Variants in DCT observed in about 807,000 individuals in gnomAD.
DCT encodes L-dopachrome tautomerase.
A neutral mutation model predicts 53.0 loss-of-function variants in DCT; 47 were observed. That is an observed-to-expected ratio of 0.89 (90% confidence interval 0.70 to 1.13). The LOEUF is 1.13. Among genes scored for constraint, DCT ranks in the 50% most tolerant of loss-of-function variants. The pLI is 0.00. For synonymous variants in DCT, 244 were observed against 237.0 expected (o/e 1.03, Z -0.27); for missense variants, 669 against 637.4 (o/e 1.05, Z -0.53).
intron 6 of DCT, among the ~76,000 whole-genome samples, chr13:94,451,314 T>C (rs1212129371): frequency 6.6e-6 from 1 of 152,244 alleles, no homozygotes; most frequent in Non-Finnish European, 1.5e-5. Flanking sequence ...AGATCTGCCC[T>C]TCACCAATTA....
chr13:94,515,011 C>A, the DCT span, among the ~76,000 whole-genome samples: 4 of 152,100 alleles, frequency 2.6e-5, no homozygotes, highest in African/African-American at 9.7e-5. Flanking sequence ...GTAGAGCTCT[C>A]AGGAATAGGA....
At chr13:94,475,616 C>T (rs1200981842) in intron 1 of DCT, among the ~76,000 whole-genome samples, 1 of 152,146 alleles carries the variant, frequency 6.6e-6, no homozygotes, top group Non-Finnish European at 1.5e-5. Flanking sequence ...CTATAGTTAA[C>T]AATAAGGCAT....
At chr13:94,541,932 A>G in the DCT span, among the ~76,000 whole-genome samples, 1 of 152,204 alleles carries the variant, frequency 6.6e-6, no homozygotes, top group Non-Finnish European at 1.5e-5. Context: ...AGGACCATGG[A>G]TTTTAGGAAA....
chr13:94,458,553 C>T, intron 6 of DCT, among the ~76,000 whole-genome samples: 1 of 152,052 alleles, frequency 6.6e-6, no homozygotes, highest in South Asian at 2.1e-4. Flanking sequence ...CCTGTAATCC[C>T]AGGACTTTGG....
At chr13:94,507,395 C>A in the DCT span, among the ~76,000 whole-genome samples, 1 of 152,050 alleles carries the variant, frequency 6.6e-6, no homozygotes, top group Non-Finnish European at 1.5e-5. Flanking sequence ...TTCTGGTAGC[C>A]TTTCAATCTC....
At chr13:94,511,360 C>CT in the DCT span, among the ~76,000 whole-genome samples, 1 of 141,078 alleles carries the variant, frequency 7.1e-6, no homozygotes, top group African/African-American at 3.0e-5. Context: ...CTCTCTCTCT[C>CT]TCTTTTTTTT....
At chr13:94,534,854 C>A in the DCT span, among the ~76,000 whole-genome samples, 1 of 152,206 alleles carries the variant, frequency 6.6e-6, no homozygotes, top group Non-Finnish European at 1.5e-5. Flanking sequence ...AACATCACAG[C>A]TGAGAGTTGC....
chr13:94,469,813 G>T (rs1246463743), intron 1 of DCT, among the ~76,000 whole-genome samples: 1 of 152,222 alleles, frequency 6.6e-6, no homozygotes, highest in South Asian at 2.1e-4. Flanking sequence ...GGTGGCTCAC[G>T]CCTGTAATCC....
In DCT at chr13:94,437,867, C is replaced by T. The variant is rs1881999598; in HGVS notation, c.*2031G>A. 6.6e-6 allele frequency: 1 copy of T among 152,160 alleles called. No homozygotes were observed. Among genetic ancestry groups the T allele is most frequent in the African/African-American group, 2.4e-5 (1 of 41,454 alleles). The allele number at this position is 152,160 out of a possible 1,614,324, so 9.4% of individuals were successfully genotyped here. On this transcript the variant is annotated 3_prime_UTR_variant, in exon 8 of 8. Coordinates refer to ENST00000377028, the MANE Select transcript of DCT (RefSeq NM_001922.5). ...ATAAAACATAATAGTTATAAAAAGT[C>T]ACCCACACTACAGATAAAAGCAGCT...
chr13:94,526,818 G>T, the DCT span, among the ~76,000 whole-genome samples: 1 of 152,286 alleles, frequency 6.6e-6, no homozygotes, highest in South Asian at 2.1e-4. Context: ...AGGGCAGGGT[G>T]TCGCCTCACC....
intron 1 of DCT, among the ~76,000 whole-genome samples, chr13:94,469,732 A>G (rs1047342513): frequency 1.3e-5 from 2 of 152,224 alleles, no homozygotes; most frequent in African/African-American, 4.8e-5. Flanking sequence ...AGAACAGTTC[A>G]TTGATTTAGA....
intron 4 of DCT, among the ~76,000 whole-genome samples, chr13:94,464,143 G>A (rs1042536355): frequency 4.6e-5 from 7 of 152,212 alleles, no homozygotes; most frequent in African/African-American, 1.7e-4. Flanking sequence ...CCTGCTCGTG[G>A]AGCACTGTTC....
At chr13:94,500,131 A>T in the DCT span, among the ~76,000 whole-genome samples, 1 of 152,080 alleles carries the variant, frequency 6.6e-6, no homozygotes, top group Non-Finnish European at 1.5e-5. Flanking sequence ...TACACATCTG[A>T]AGCTTTTACC....
chr13:94,519,539 TA>T, the DCT span, among the ~76,000 whole-genome samples: 12,393 of 152,224 alleles, frequency 0.081, 1,109 homozygotes, highest in African/African-American at 0.22. Flanking sequence ...CTAAGCAATT[TA>T]AAAGGGGTTA....
At chr13:94,502,534 C>G in the DCT span, among the ~76,000 whole-genome samples, 1 of 152,290 alleles carries the variant, frequency 6.6e-6, no homozygotes, top group East Asian at 1.9e-4. Flanking sequence ...CAGTCATCAG[C>G]CCTCAACACT....
chr13:94,497,905 T>C, the DCT span, among the ~76,000 whole-genome samples: 1 of 152,100 alleles, frequency 6.6e-6, no homozygotes, highest in African/African-American at 2.4e-5. Flanking sequence ...CACACATGCA[T>C]GCACATATAC....
At chr13:94,449,127 GA>G (rs200044137) in intron 6 of DCT, among the ~76,000 whole-genome samples, 4 of 149,442 alleles carry the variant, frequency 2.7e-5, no homozygotes, top group South Asian at 2.1e-4. Flanking sequence ...GGCCATAATG[GA>G]AAAAAAAATG....
At chr13:94,506,455 T>C in the DCT span, among the ~76,000 whole-genome samples, 1 of 152,114 alleles carries the variant, frequency 6.6e-6, no homozygotes, top group Admixed American at 6.5e-5. Context: ...TGAAACAATG[T>C]GAACAAGAAT....
In DCT at chr13:94,443,479, T is replaced by A; in HGVS notation, c.1338A>T (p.Leu446Phe). 1 of 1,614,080 alleles carries A rather than the reference T, an allele frequency of 6.2e-7. No homozygotes were observed. The highest frequency in any genetic ancestry group is 8.5e-7 in the Non-Finnish European group (1 of 1,179,982). ...AGCTGTAGCCAAGTTGGTCTGAGGT[T>A]AAAAAGAGTTCTTCATTAGTCACTG... ...FPPVTNEELFLTSDQLGYSYA... is the reference protein window; with the variant it reads ...FPPVTNEELFFTSDQLGYSYA... The change falls in exon 7 of 8, where the codon TTA becomes TTT. Residue 446 changes from leucine to phenylalanine, a missense_variant. Leu to Phe is a conservative substitution (Grantham distance 22). Transcript: ENST00000377028.
Sources: allele counts gnomAD v4.1 joint callset (sites outside exome capture counted in the v4.1 genomes callset), GRCh38; gene constraint gnomAD v4.1.1; transcripts MANE v1.5; gene names NCBI Gene and HGNC (gene_info 2026-07-23, HGNC 2026-07-21).